The following PSIP1 variants were observed in gnomAD, a reference collection of about 807,000 sequenced individuals.
PSIP1 encodes PC4 and SRSF1 interacting protein 1.
A neutral mutation model predicts 74.7 loss-of-function variants in PSIP1; 19 were observed. The ratio of observed to expected loss-of-function variants is 0.25; its 90% confidence interval spans 0.18 to 0.37. PSIP1 has a LOEUF of 0.37. Among genes scored for constraint, PSIP1 ranks in the 10% least tolerant of loss-of-function variants. The pLI is 1.00. For synonymous variants in PSIP1, 222 were observed against 195.3 expected (o/e 1.14, Z -1.14); for missense variants, 601 against 614.3 (o/e 0.98, Z 0.23).
chr9:15,499,444 T>C (rs888386156), intron 3 of PSIP1, among the ~76,000 whole-genome samples: 8 of 152,228 alleles, frequency 5.3e-5, no homozygotes, highest in South Asian at 2.1e-4. Flanking sequence ...TGTGTACATG[T>C]GCATTCCAAT....
Position 15,464,928 on chromosome 9 carries a change from C to G in PSIP1, c.*592G>C, listed in dbSNP as rs78732111. ...GTCAGTTGCTTAATTAGTTGTCATA[C>G]CAAAAAAAACCATACAGAGCACACA... On this transcript the variant is annotated 3_prime_UTR_variant, in exon 16 of 16. Transcript: ENST00000380733. The G allele has an allele frequency of 0.011, 2,332 of 213,920 alleles. 49 individuals are homozygous for G. Among genetic ancestry groups the G allele is most frequent in the African/African-American group, 0.05 (2,194 of 44,312 alleles). 13.3% of individuals were successfully genotyped at this position (213,920 alleles called of 1,614,324 possible).
In PSIP1 at chr9:15,478,564, A is replaced by G. The variant is rs1262034035; in HGVS notation, c.554-12T>C. The G allele has an allele frequency of 1.3e-6, 2 of 1,560,700 alleles. No homozygotes were observed. The highest frequency in any genetic ancestry group is 2.3e-5 in the East Asian group (1 of 44,414). Reference sequence around the variant, plus strand: ...CTTGACTTCTGTAGCTAATATACACATGGAAAAAAAATCAGTAACTACTAG... The same window carrying G: ...CTTGACTTCTGTAGCTAATATACACGTGGAAAAAAAATCAGTAACTACTAG... On this transcript the variant is annotated splice_polypyrimidine_tract_variant and intron_variant, in intron 7 of 15. Transcript: ENST00000380733.
rs1264906090 is a variant in PSIP1 at position 15,493,812 on chromosome 9, A to T, written c.150-3688T>A. 3.3e-5 allele frequency among the ~76,000 whole-genome samples: 5 copies of T among 152,184 alleles called. No individual in the cohort carries two copies. In the East Asian group the frequency reaches 7.7e-4, roughly 23 times the overall value. ...ATTTGGGAAATTGCCCCAATCATTC[A>T]ATTACCTCTACCTGGTCCTGCCCTT... On this transcript the variant is annotated intron_variant, in intron 3 of 15. Transcript: ENST00000380733.
intron 2 of PSIP1, among the ~76,000 whole-genome samples, chr9:15,508,434 T>C (rs1274903238): frequency 2.0e-5 from 3 of 152,252 alleles, no homozygotes; most frequent in Non-Finnish European, 2.9e-5. Flanking sequence ...AATGTAGAAC[T>C]TGTTAAATAA....
chr9:15,505,040 G>A (rs1223819538), intron 3 of PSIP1: 1 of 151,178 alleles, frequency 6.6e-6, no homozygotes, highest in Non-Finnish European at 1.5e-5. Context: ...CCCGGCTCAG[G>A]TGACGGTTCC....
chr9:15,498,726 C>G (rs1242752866), intron 3 of PSIP1, among the ~76,000 whole-genome samples: 2 of 151,848 alleles, frequency 1.3e-5, no homozygotes, highest in Admixed American at 6.6e-5. Context: ...ATATCAAATA[C>G]CAAAAAATTG....
chr9:15,487,787 G>A (rs908981544), intron 4 of PSIP1, among the ~76,000 whole-genome samples: 2 of 152,128 alleles, frequency 1.3e-5, no homozygotes, highest in East Asian at 3.8e-4. Flanking sequence ...TGGGCACACA[G>A]GACATAAACC....
At chr9:15,501,213 C>T (rs1166867021) in intron 3 of PSIP1, among the ~76,000 whole-genome samples, 1 of 151,876 alleles carries the variant, frequency 6.6e-6, no homozygotes, top group Non-Finnish European at 1.5e-5. Flanking sequence ...TCTACATAAA[C>T]GTTGGCTAAT....
Position 15,469,266 on chromosome 9 carries a change from A to C in PSIP1, c.1104T>G (p.Leu368=), listed in dbSNP as rs1477788273. 1 of 1,538,296 alleles carries C rather than the reference A, an allele frequency of 6.5e-7. No individual in the cohort carries two copies. The highest frequency in any genetic ancestry group is 1.9e-5 in the Admixed American group (1 of 52,546). Residue 368 remains leucine (L), a splice_region_variant and synonymous_variant, in exon 12 of 16, where the codon CTT becomes CTG. Transcript: ENST00000380733. ...EIKNSLKIDN[L]DVNRCIEALD... is the part of the protein sequence containing the mutation. ...GTATTAAATGAAGTTAAACACTTAC[A>C]AGATTATCAATTTTGAGTGAATTTT...
At chr9:15,490,385 T>A (rs770172655) in intron 3 of PSIP1, among the ~76,000 whole-genome samples, 4 of 152,122 alleles carry the variant, frequency 2.6e-5, no homozygotes, top group Non-Finnish European at 4.4e-5. Flanking sequence ...AACTATACAC[T>A]TAAAAATGGT....
At chr9:15,488,259 G>A (rs1251388098) in intron 4 of PSIP1, among the ~76,000 whole-genome samples, 1 of 151,992 alleles carries the variant, frequency 6.6e-6, no homozygotes, top group East Asian at 1.9e-4. Flanking sequence ...TTGACCTGGG[G>A]GGCAGAGGCT....
chr9:15,490,202 C>A (rs2036759645), intron 3 of PSIP1, 78 bp from the exon 4 acceptor site: 7 of 1,293,734 alleles, frequency 5.4e-6, no homozygotes, highest in Non-Finnish European at 4.1e-6. Context: ...CCCTATTACA[C>A]AATTATCAAA....
chr9:15,497,996 C>A (rs551869813), intron 3 of PSIP1, among the ~76,000 whole-genome samples: 1 of 152,270 alleles, frequency 6.6e-6, no homozygotes, highest in African/African-American at 2.4e-5. Context: ...CACTATTTCA[C>A]TGAATAGCTA....
intron 15 of PSIP1, among the ~76,000 whole-genome samples, chr9:15,466,421 CT>C (rs1001782359): frequency 6.6e-6 from 1 of 152,182 alleles, no homozygotes. Context: ...CTCCATCTAA[CT>C]TTTTACAATT....
chr9:15,472,841 G>T, intron 9 of PSIP1, 91 bp from the exon 10 acceptor site: 2 of 1,270,848 alleles, frequency 1.6e-6, no homozygotes, highest in Non-Finnish European at 2.2e-6. Context: ...GCAGCAGCTA[G>T]TTTTTAAAAA....
intron 6 of PSIP1, among the ~76,000 whole-genome samples, chr9:15,480,933 A>G (rs1284236325): frequency 6.6e-6 from 1 of 152,182 alleles, no homozygotes; most frequent in African/African-American, 2.4e-5. Context: ...AAACAAAACA[A>G]AACAAAAAAC....
At chr9:15,489,902 T>TA in intron 4 of PSIP1, 84 bp downstream of exon 4, 1 of 1,155,686 alleles carries the variant, frequency 8.7e-7, no homozygotes, top group Non-Finnish European at 1.2e-6. Context: ...CCAAGGCTTT[T>TA]AGTATTTACT....
intron 10 of PSIP1, chr9:15,471,050 A>C (rs960046208): frequency 1.2e-5 from 17 of 1,460,700 alleles, no homozygotes; most frequent in East Asian, 4.9e-5. Context: ...TGAAGTCCTC[A>C]ATTTAGAATC....
At chr9:15,495,664 G>A (rs2037040024) in intron 3 of PSIP1, among the ~76,000 whole-genome samples, 1 of 151,896 alleles carries the variant, frequency 6.6e-6, no homozygotes, top group Admixed American at 6.6e-5. Flanking sequence ...TTGGCAAACT[G>A]TCATACTCCT....
Sources: gnomAD v4.1 joint callset for allele counts (sites outside exome capture counted in the v4.1 genomes callset) on GRCh38, gnomAD v4.1.1 for gene constraint, MANE v1.5 for transcripts, NCBI Gene and HGNC (gene_info 2026-07-23, HGNC 2026-07-21) for gene names.